Variants in PTPRD observed in about 807,000 individuals in gnomAD.
PTPRD encodes receptor-type tyrosine-protein phosphatase delta.
In PTPRD, 34 loss-of-function variants were observed where a neutral mutation model predicts 214.5. That is an observed-to-expected ratio of 0.16 (90% CI 0.12 to 0.21). PTPRD has a LOEUF of 0.21. Ranked by LOEUF, PTPRD falls within the 10% of genes least tolerant of loss-of-function variation. PTPRD has a pLI of 1.00. For synonymous variants in PTPRD, 1,128 were observed against 845.7 expected (o/e 1.33, Z -5.79); for missense variants, 2,545 against 2,398.7 (o/e 1.06, Z -1.27).
chr9:9,820,278 T>A (rs569543277), intron 5 of PTPRD, among the ~76,000 whole-genome samples: 2 of 152,264 alleles, frequency 1.3e-5, no homozygotes, highest in East Asian at 3.9e-4. Flanking sequence ...TTACCGCTCA[T>A]ATGTCTTCTT....
chr9:9,022,626 G>T (rs181266826), intron 10 of PTPRD, among the ~76,000 whole-genome samples: 2 of 152,036 alleles, frequency 1.3e-5, no homozygotes, highest in African/African-American at 4.8e-5. Context: ...TGACAAAATC[G>T]CCCAAGGATG....
intron 7 of PTPRD, among the ~76,000 whole-genome samples, chr9:9,721,221 T>C (rs1008623391): frequency 6.6e-6 from 1 of 152,170 alleles, no homozygotes; most frequent in Admixed American, 6.5e-5. Context: ...ATGGAATATC[T>C]TCAAGACATC....
intron 14 of PTPRD, among the ~76,000 whole-genome samples, chr9:8,568,409 T>A (rs548269760): frequency 3.5e-4 from 54 of 152,226 alleles, no homozygotes; most frequent in African/African-American, 1.2e-3. Flanking sequence ...TTAGCCATCA[T>A]CTCCCTGGAA....
At chr9:8,787,871 T>C (rs577088611) in intron 11 of PTPRD, among the ~76,000 whole-genome samples, 4 of 149,434 alleles carry the variant, frequency 2.7e-5, no homozygotes, top group East Asian at 2.0e-4. Flanking sequence ...TTGCTTACTA[T>C]AATTTCAACC....
At chr9:9,822,946 TC>T (rs1414637794) in intron 5 of PTPRD, among the ~76,000 whole-genome samples, 1 of 152,088 alleles carries the variant, frequency 6.6e-6, no homozygotes, top group Non-Finnish European at 1.5e-5. Flanking sequence ...TACCATTTAT[TC>T]CAGCAATCCC....
intron 8 of PTPRD, among the ~76,000 whole-genome samples, chr9:9,448,026 G>C (rs1394989666): frequency 6.6e-6 from 1 of 152,048 alleles, no homozygotes; most frequent in East Asian, 1.9e-4. Flanking sequence ...AAGAGGAGTA[G>C]CACGAACTGA....
At chr9:8,674,323 T>G (rs2097353963) in intron 12 of PTPRD, among the ~76,000 whole-genome samples, 1 of 151,868 alleles carries the variant, frequency 6.6e-6, no homozygotes, top group Non-Finnish European at 1.5e-5. Context: ...CTGGGCGTGG[T>G]GGCACACGCC....
At chr9:9,324,077 T>A (rs1968327184) in intron 9 of PTPRD, among the ~76,000 whole-genome samples, 2 of 152,210 alleles carry the variant, frequency 1.3e-5, no homozygotes, top group South Asian at 4.1e-4. Flanking sequence ...ATTTTCTTAA[T>A]CCAGTCTATC....
intron 2 of PTPRD, among the ~76,000 whole-genome samples, chr9:10,478,419 C>A (rs1021392710): frequency 2.6e-5 from 4 of 152,042 alleles, no homozygotes; most frequent in South Asian, 4.1e-4. Context: ...AGATAATACC[C>A]GTATCTGGAA....
At chr9:10,246,327 T>A (rs1299990169) in intron 3 of PTPRD, among the ~76,000 whole-genome samples, 1 of 152,122 alleles carries the variant, frequency 6.6e-6, no homozygotes, top group Non-Finnish European at 1.5e-5. Context: ...CACTGCAACC[T>A]CCACCTCTCA....
chr9:9,080,483 A>G (rs2099757411), intron 10 of PTPRD, among the ~76,000 whole-genome samples: 2 of 152,110 alleles, frequency 1.3e-5, no homozygotes, highest in Non-Finnish European at 2.9e-5. Context: ...TTTAGAAATG[A>G]TATCCTATCA....
intron 2 of PTPRD, among the ~76,000 whole-genome samples, chr9:10,543,094 G>A (rs1041979096): frequency 1.7e-4 from 26 of 151,612 alleles, no homozygotes; most frequent in Admixed American, 1.4e-3. Flanking sequence ...CACGTTGGTC[G>A]CACTGGTCCT....
At chr9:9,584,644 T>C (rs2091586552) in intron 7 of PTPRD, among the ~76,000 whole-genome samples, 1 of 151,988 alleles carries the variant, frequency 6.6e-6, no homozygotes, top group South Asian at 2.1e-4. Context: ...TCCATTCCTC[T>C]TCTATTACTT....
At chr9:9,906,322 T>C (rs564695120) in intron 5 of PTPRD, among the ~76,000 whole-genome samples, 29 of 152,116 alleles carry the variant, frequency 1.9e-4, no homozygotes, top group Non-Finnish European at 3.4e-4. Context: ...GTGATACAGC[T>C]CTAGGTCCCT....
intron 11 of PTPRD, among the ~76,000 whole-genome samples, chr9:8,907,886 T>C (rs926963490): frequency 6.6e-6 from 1 of 151,732 alleles, no homozygotes; most frequent in Non-Finnish European, 1.5e-5. Context: ...GCAGAAAAAA[T>C]TGAAGAAGTA....
chr9:10,234,779 C>G (rs546343238), intron 3 of PTPRD, among the ~76,000 whole-genome samples: 1 of 151,840 alleles, frequency 6.6e-6, no homozygotes, highest in Non-Finnish European at 1.5e-5. Context: ...GTTTATCTCA[C>G]AACAATAATA....
chr9:8,810,892 A>C (rs1240389872), intron 11 of PTPRD, among the ~76,000 whole-genome samples: 1 of 152,158 alleles, frequency 6.6e-6, no homozygotes, highest in Non-Finnish European at 1.5e-5. Context: ...TTATCCTCCA[A>C]GCCCCTTTCC....
At chr9:10,317,322 A>C (rs1374568250) in intron 3 of PTPRD, among the ~76,000 whole-genome samples, 1 of 152,000 alleles carries the variant, frequency 6.6e-6, no homozygotes, top group Non-Finnish European at 1.5e-5. Context: ...TTTTAATGAT[A>C]ATGTGAAACC....
intron 3 of PTPRD, among the ~76,000 whole-genome samples, chr9:10,088,083 T>C (rs2098378757): frequency 6.6e-6 from 1 of 151,768 alleles, no homozygotes; most frequent in Non-Finnish European, 1.5e-5. Context: ...TTCACGAATT[T>C]ACTTATTCAA....
Sources: gnomAD v4.1 joint callset for allele counts (sites outside exome capture counted in the v4.1 genomes callset) on GRCh38, gnomAD v4.1.1 for gene constraint, MANE v1.5 for transcripts, NCBI Gene and HGNC (gene_info 2026-07-23, HGNC 2026-07-21) for gene names.